Variants in ENTPD7 observed in about 807,000 individuals in gnomAD.
ENTPD7 encodes the protein ectonucleoside triphosphate diphosphohydrolase 7, also known as NTPDase 7.
ENTPD7 carries 53 observed loss-of-function variants against 77.9 expected under a neutral mutation model. The ratio of observed to expected loss-of-function variants is 0.68; its 90% confidence interval spans 0.55 to 0.85. ENTPD7 has a LOEUF of 0.85. Among genes scored for constraint, ENTPD7 ranks in the 40% least tolerant of loss-of-function variants. The probability of loss-of-function intolerance (pLI) is 0.00; values close to 1 mark genes in which losing one functional copy is unlikely to be tolerated. For missense variants in ENTPD7, 636 were observed against 743.7 expected, an observed-to-expected ratio of 0.86 and a Z score of 1.68; for synonymous variants, 248 against 274.9, an observed-to-expected ratio of 0.90 and a Z score of 0.97.
intron 5 of ENTPD7, among the ~76,000 whole-genome samples, chr10:99,680,810 CA>C (rs2035743851): frequency 6.6e-6 from 1 of 152,106 alleles, no homozygotes; most frequent in South Asian, 2.1e-4. Context: ...CTCCTGGGCT[CA>C]AGTGATCCGC....
rs1268698897 is a variant in ENTPD7, at chr10:99,709,640, A to G, written c.*4957A>G. On this transcript the variant is annotated 3_prime_UTR_variant, in exon 13 of 13. Transcript: ENST00000370489. ...GCTCATTCTCTCATAACCTGGATCT[A>G]AGTTGGAAAGCTGTGGCACCCTGTT... is the stretch of plus-strand genomic sequence containing the variant. 20 of 985,264 alleles carry G rather than the reference A, an allele frequency of 2.0e-5. No individual in the cohort carries two copies. The highest frequency in any genetic ancestry group is 2.4e-5 in the Non-Finnish European group (20 of 829,934). 61.0% of individuals were successfully genotyped at this position (985,264 alleles called of 1,614,324 possible).
In ENTPD7 at chr10:99,704,696, A is replaced by C. The variant is rs753179948; in HGVS notation, c.*13A>C. 6.2e-7 allele frequency: 1 copy of C among 1,608,368 alleles called. No individual in the cohort carries two copies. ...GGTGGGGCCGTGAGGCTGGACCAGG[A>C]CTAGAGAAGCTTGAGCACCCCCGAG... On this transcript the variant is annotated 3_prime_UTR_variant, in exon 13 of 13. Coordinates refer to ENST00000370489, the MANE Select transcript of ENTPD7 (RefSeq NM_020354.5).
intron 3 of ENTPD7, among the ~76,000 whole-genome samples, chr10:99,667,929 C>CTTTTTT (rs61543336): frequency 4.2e-4 from 36 of 85,542 alleles, no homozygotes; most frequent in East Asian, 1.2e-3. Flanking sequence ...AAATGATAAT[C>CTTTTTT]TTTTTTTTTT....
chr10:99,685,699 G>A, intron 5 of ENTPD7, 93 bp from the exon 6 acceptor site: 1 of 841,378 alleles, frequency 1.2e-6, no homozygotes. Context: ...GAACAGTGAG[G>A]TCATGACAAG....
chr10:99,689,101 T>G (rs1417038512), intron 7 of ENTPD7, among the ~76,000 whole-genome samples: 1 of 152,114 alleles, frequency 6.6e-6, no homozygotes, highest in Non-Finnish European at 1.5e-5. Flanking sequence ...TAATTTTTAT[T>G]TTCATGTATG....
chr10:99,694,263 C>T (rs1179258840), intron 8 of ENTPD7, among the ~76,000 whole-genome samples: 1 of 152,140 alleles, frequency 6.6e-6, no homozygotes, highest in Non-Finnish European at 1.5e-5. Flanking sequence ...CTATTCCGGA[C>T]ATTTTGTATA....
chr10:99,669,295 A>G (rs935919562), intron 3 of ENTPD7, among the ~76,000 whole-genome samples: 1 of 152,176 alleles, frequency 6.6e-6, no homozygotes, highest in Non-Finnish European at 1.5e-5. Flanking sequence ...TGTTTAAAAT[A>G]TTTTAATTAC....
chr10:99,685,733 G>A, intron 5 of ENTPD7, 59 bp from the exon 6 acceptor site: 1 of 1,249,884 alleles, frequency 8.0e-7, no homozygotes, highest in South Asian at 1.2e-5. Flanking sequence ...ACAAGTTGAG[G>A]CAGTTTATGA....
intron 2 of ENTPD7, chr10:99,660,523 TACGCAC>T (rs2133430406): frequency 1.4e-5 from 5 of 348,828 alleles, no homozygotes; most frequent in Admixed American, 3.5e-5. Context: ...AGGGAATGGA[TACGCAC>T]ACACACACAC....
Position 99,710,534 on chromosome 10 carries a change from A to T in ENTPD7, c.*5851A>T. The T allele has an allele frequency of 1.0e-6, 1 of 985,406 alleles. No homozygotes were observed. The allele number at this position is 985,406 out of a possible 1,614,324, so 61.0% of individuals were successfully genotyped here. ...TGTTTTTTCTACTGCTTCACATTAAACAATAATTTTGTTGAATTTTGAATT... is the reference window on the plus strand; with the variant it reads ...TGTTTTTTCTACTGCTTCACATTAATCAATAATTTTGTTGAATTTTGAATT... On this transcript the variant is annotated 3_prime_UTR_variant, in exon 13 of 13. Coordinates refer to ENST00000370489, the MANE Select transcript of ENTPD7 (RefSeq NM_020354.5).
intron 8 of ENTPD7, among the ~76,000 whole-genome samples, chr10:99,692,717 T>G (rs753853086): frequency 4.6e-5 from 7 of 152,180 alleles, no homozygotes; most frequent in Non-Finnish European, 7.4e-5. Context: ...AGCTAAATCA[T>G]GAGCAGTATT....
intron 3 of ENTPD7, among the ~76,000 whole-genome samples, chr10:99,675,554 A>G (rs1360521): frequency 0.86 from 97,041 of 112,486 alleles, 40,859 homozygotes; most frequent in Middle Eastern, 0.94. Context: ...ATCTTTTTTT[A>G]GGGGGGTGGG....
chr10:99,673,961 T>C (rs889245291), intron 3 of ENTPD7, among the ~76,000 whole-genome samples: 1 of 152,070 alleles, frequency 6.6e-6, no homozygotes, highest in Admixed American at 6.6e-5. Flanking sequence ...TCTAAACAGG[T>C]AGAGCAAGCA....
chr10:99,661,660 C>T lies in ENTPD7; in HGVS notation c.191+32C>T, dbSNP rs568049793. Reference sequence around the variant, plus strand: ...CAGCTTTAGATTTTGGCACTCAAGTCATAAATATTTTCATAAGCTGTTTAA... The same window carrying T: ...CAGCTTTAGATTTTGGCACTCAAGTTATAAATATTTTCATAAGCTGTTTAA... On this transcript the variant is annotated intron_variant, in intron 3 of 12. Coordinates refer to ENST00000370489, the MANE Select transcript of ENTPD7 (RefSeq NM_020354.5). 1.5e-5 allele frequency: 23 copies of T among 1,562,424 alleles called. No homozygotes were observed. The South Asian group carries it at 2.7e-4, about 19-fold the overall frequency.
intron 5 of ENTPD7, among the ~76,000 whole-genome samples, chr10:99,684,163 C>T (rs1300522980): frequency 1.3e-5 from 2 of 152,218 alleles, no homozygotes; most frequent in Non-Finnish European, 2.9e-5. Flanking sequence ...TCAAGCGATT[C>T]TCCTGCCTCA....
At chr10:99,699,007 G>C in intron 10 of ENTPD7, 149 bp downstream of exon 10, 1 of 710,062 alleles carries the variant, frequency 1.4e-6, no homozygotes, top group Non-Finnish European at 2.3e-6. Context: ...TTACAGATGA[G>C]GAAGTGGACA....
intron 3 of ENTPD7, among the ~76,000 whole-genome samples, chr10:99,671,082 G>A (rs944793681): frequency 3.9e-5 from 6 of 151,964 alleles, no homozygotes; most frequent in African/African-American, 1.4e-4. Context: ...TACCATCAAT[G>A]GAGCTCACAG....
intron 8 of ENTPD7, among the ~76,000 whole-genome samples, chr10:99,693,127 C>T (rs2035911192): frequency 6.6e-6 from 1 of 152,044 alleles, no homozygotes; most frequent in South Asian, 2.1e-4. Context: ...AGGATCTATC[C>T]TAGATAACCA....
intron 8 of ENTPD7, among the ~76,000 whole-genome samples, chr10:99,695,468 GC>G (rs1469670733): frequency 6.6e-6 from 1 of 151,824 alleles, no homozygotes; most frequent in Non-Finnish European, 1.5e-5. Context: ...GTTGCAGTGA[GC>G]CGAGAGCATG....
Sources: gnomAD v4.1 joint callset for allele counts (sites outside exome capture counted in the v4.1 genomes callset) on GRCh38, gnomAD v4.1.1 for gene constraint, MANE v1.5 for transcripts, NCBI Gene and HGNC (gene_info 2026-07-23, HGNC 2026-07-21) for gene names.